Variants in CDC42BPA observed in about 807,000 individuals in gnomAD.
The protein encoded by CDC42BPA is CDC42 binding protein kinase alpha.
In CDC42BPA, 80 loss-of-function variants were observed where a neutral mutation model predicts 223.5. The observed-to-expected ratio is 0.36, with a 90% CI of 0.30 to 0.43. CDC42BPA has a LOEUF of 0.43. Ranked by LOEUF, CDC42BPA falls within the 20% of genes least tolerant of loss-of-function variation. CDC42BPA has a pLI of 1.00. For synonymous variants in CDC42BPA, 694 were observed against 718.6 expected, an observed-to-expected ratio of 0.97 and a Z score of 0.55; for missense variants, 1,743 against 2,099.9, an observed-to-expected ratio of 0.83 and a Z score of 3.32.
chr1:227,284,696 T>C (rs1688533706), intron 1 of CDC42BPA, among the ~76,000 whole-genome samples: 1 of 152,156 alleles, frequency 6.6e-6, no homozygotes, highest in Admixed American at 6.6e-5. Flanking sequence ...CAGGATTAAT[T>C]ACATCTGTAA....
chr1:227,101,319 G>T (rs1324565327), intron 14 of CDC42BPA, 80 bp from the exon 15 acceptor site: 1 of 858,938 alleles, frequency 1.2e-6, no homozygotes, highest in East Asian at 2.8e-5. Flanking sequence ...TAATATAAAT[G>T]AGTATTCATA....
intron 7 of CDC42BPA, among the ~76,000 whole-genome samples, chr1:227,146,298 C>A (rs771995217): frequency 1.3e-5 from 2 of 152,048 alleles, no homozygotes; most frequent in Non-Finnish European, 2.9e-5. Flanking sequence ...AGAATTTGAA[C>A]TGAAGCTGTA....
chr1:227,253,692 A>C (rs1233367936), intron 2 of CDC42BPA, among the ~76,000 whole-genome samples: 1 of 152,060 alleles, frequency 6.6e-6, no homozygotes, highest in Non-Finnish European at 1.5e-5. Context: ...AGGGGAGGAG[A>C]GATGGGAGAG....
At chr1:227,232,466 G>A (rs997632798) in intron 2 of CDC42BPA, among the ~76,000 whole-genome samples, 4 of 152,190 alleles carry the variant, frequency 2.6e-5, no homozygotes, top group African/African-American at 9.7e-5. Context: ...AAGGAGCTGC[G>A]TTCCTTTGGA....
intron 1 of CDC42BPA, among the ~76,000 whole-genome samples, chr1:227,271,656 C>G (rs1685972915): frequency 6.6e-6 from 1 of 152,114 alleles, no homozygotes; most frequent in African/African-American, 2.4e-5. Flanking sequence ...ATCTCTGATT[C>G]TGATCAATAA....
At chr1:227,126,529 G>A (rs1689679322) in intron 11 of CDC42BPA, among the ~76,000 whole-genome samples, 2 of 128,316 alleles carry the variant, frequency 1.6e-5, no homozygotes, top group Non-Finnish European at 1.7e-5. Context: ...GGTAAGAAAG[G>A]AAAAAGAAGA....
intron 21 of CDC42BPA, chr1:227,059,350 C>T (rs1459887116): frequency 1.3e-6 from 2 of 1,556,254 alleles, no homozygotes; most frequent in Non-Finnish European, 1.7e-6. Context: ...AGGATGGGTA[C>T]ATAAAGTGCA....
chr1:227,142,376 G>A (rs900537073), intron 9 of CDC42BPA, among the ~76,000 whole-genome samples: 1 of 152,184 alleles, frequency 6.6e-6, no homozygotes, highest in Non-Finnish European at 1.5e-5. Flanking sequence ...ATATTCAACA[G>A]CGTGAAACTC....
At chr1:227,053,956 G>T (rs964234092) in intron 21 of CDC42BPA, among the ~76,000 whole-genome samples, 7 of 152,094 alleles carry the variant, frequency 4.6e-5, no homozygotes, top group Non-Finnish European at 8.8e-5. Context: ...CATGGAGAGG[G>T]GCTTTAGTTA....
chr1:227,290,523 G>A (rs201612399), intron 1 of CDC42BPA, among the ~76,000 whole-genome samples: 2 of 108,338 alleles, frequency 1.8e-5, no homozygotes, highest in Non-Finnish European at 4.0e-5. Context: ...AGATATAATA[G>A]AATTTATTTG....
intron 11 of CDC42BPA, among the ~76,000 whole-genome samples, chr1:227,123,414 A>C (rs1212173810): frequency 1.3e-5 from 2 of 152,224 alleles, no homozygotes; most frequent in African/African-American, 4.8e-5. Context: ...TGAGGACTTA[A>C]TGAAGGCATC....
chr1:227,255,589 G>A (rs1251774152), intron 1 of CDC42BPA, among the ~76,000 whole-genome samples: 4 of 152,214 alleles, frequency 2.6e-5, no homozygotes, highest in Non-Finnish European at 4.4e-5. Context: ...AGGTATTCGA[G>A]GCTGCAATGA....
chr1:227,239,430 A>G (rs1679648086), intron 2 of CDC42BPA, among the ~76,000 whole-genome samples: 1 of 152,184 alleles, frequency 6.6e-6, no homozygotes, highest in Non-Finnish European at 1.5e-5. Flanking sequence ...TTGGGTAATA[A>G]TAATATGTCA....
In CDC42BPA at chr1:227,029,014, G is replaced by A; in HGVS notation, c.4075C>T (p.Gln1359Ter). Residue 1359 changes from glutamine (Q) to a stop codon, truncating the protein, a stop_gained, in exon 30 of 37, where the codon CAG becomes TAG. Transcript: ENST00000366766. LOFTEE classifies it high-confidence loss of function. ...LTCLCVAMKR[Q>*]VLCYELFQSK... ...TGAAATAGTTCATAACAGAGGACCT[G>A]CCTTTTCATAGCCACACACAGGCAT... The A allele has an allele frequency of 6.2e-7, 1 of 1,614,034 alleles. No homozygotes were observed. The highest frequency in any genetic ancestry group is 1.3e-5 in the African/African-American group (1 of 75,044).
intron 4 of CDC42BPA, among the ~76,000 whole-genome samples, chr1:227,199,346 T>C (rs1278707573): frequency 6.6e-6 from 1 of 152,138 alleles, no homozygotes; most frequent in Admixed American, 6.5e-5. Context: ...TAGTTTTGAC[T>C]TGCTTATTAA....
intron 1 of CDC42BPA, among the ~76,000 whole-genome samples, chr1:227,271,645 T>C (rs2148470933): frequency 6.6e-6 from 1 of 152,334 alleles, no homozygotes; most frequent in Non-Finnish European, 1.5e-5. Context: ...AATATACTTG[T>C]ATCTCTGATT....
chr1:227,016,224 ACT>A (rs1666215870), intron 33 of CDC42BPA, 27 bp from the exon 34 acceptor site: 1 of 1,177,180 alleles, frequency 8.5e-7, no homozygotes, highest in East Asian at 2.3e-5. Context: ...CTGTTTAGAT[ACT>A]TTTTCCACAG....
intron 10 of CDC42BPA, among the ~76,000 whole-genome samples, chr1:227,133,669 AC>A (rs1347724825): frequency 1.3e-5 from 2 of 152,026 alleles, no homozygotes; most frequent in Non-Finnish European, 2.9e-5. Flanking sequence ...CTTACCCCCA[AC>A]CCTGTGCTCT....
chr1:227,199,159 T>A (rs571985829), intron 4 of CDC42BPA, among the ~76,000 whole-genome samples: 1 of 152,302 alleles, frequency 6.6e-6, no homozygotes, highest in African/African-American at 2.4e-5. Flanking sequence ...AAAGATTAAT[T>A]TCAGTGGAAA....
Sources: allele counts gnomAD v4.1 joint callset (sites outside exome capture counted in the v4.1 genomes callset), GRCh38; gene constraint gnomAD v4.1.1; transcripts MANE v1.5; gene names NCBI Gene and HGNC (gene_info 2026-07-23, HGNC 2026-07-21).